GALNT13: variants seen among roughly 807,000 people sequenced by gnomAD.
The protein encoded by GALNT13 is polypeptide N-acetylgalactosaminyltransferase 13.
In GALNT13, 28 loss-of-function variants were observed where a neutral mutation model predicts 64.2. That is an observed-to-expected ratio of 0.44 (90% confidence interval 0.32 to 0.60). The LOEUF (loss-of-function observed/expected upper bound fraction) is 0.60, where lower values mean the gene tolerates loss of function less well. Ranked by LOEUF, GALNT13 falls within the 20% of genes least tolerant of loss-of-function variation. The pLI, the probability that GALNT13 is intolerant of heterozygous loss-of-function variation, is 0.05. For synonymous variants in GALNT13, 214 were observed against 224.6 expected (o/e 0.95, Z 0.42); for missense variants, 577 against 669.8 (o/e 0.86, Z 1.53).
At chr2:153,181,768 C>A in the GALNT13 span, among the ~76,000 whole-genome samples, 3 of 141,754 alleles carry the variant, frequency 2.1e-5, no homozygotes, top group Admixed American at 7.1e-5. Flanking sequence ...GTATATAATA[C>A]AAATATAAAT....
At chr2:153,164,227 A>G in the GALNT13 span, among the ~76,000 whole-genome samples, 37 of 152,178 alleles carry the variant, frequency 2.4e-4, no homozygotes, top group African/African-American at 8.9e-4. Context: ...TTTCTACTCC[A>G]TAGTCCATCT....
At chr2:153,181,840 T>A in the GALNT13 span, among the ~76,000 whole-genome samples, 1 of 145,292 alleles carries the variant, frequency 6.9e-6, no homozygotes, top group African/African-American at 2.5e-5. Context: ...ACATAATTTA[T>A]ATAATTATAT....
At chr2:153,787,774 A>G in the GALNT13 span, among the ~76,000 whole-genome samples, 1 of 152,254 alleles carries the variant, frequency 6.6e-6, no homozygotes, top group African/African-American at 2.4e-5. Context: ...ACCAAAAAAC[A>G]TACTACAAGA....
chr2:153,269,791 G>A, the GALNT13 span, among the ~76,000 whole-genome samples: 2 of 152,092 alleles, frequency 1.3e-5, no homozygotes, highest in Non-Finnish European at 2.9e-5. Flanking sequence ...TGAAGGTGAA[G>A]GAGAAACAAG....
chr2:153,996,663 T>C (rs1695544078), intron 3 of GALNT13, among the ~76,000 whole-genome samples: 1 of 152,078 alleles, frequency 6.6e-6, no homozygotes, highest in Non-Finnish European at 1.5e-5. Flanking sequence ...TTTGCAGAAG[T>C]TTCTTAGTTT....
chr2:153,232,498 T>C, the GALNT13 span, among the ~76,000 whole-genome samples: 6 of 152,336 alleles, frequency 3.9e-5, no homozygotes, highest in South Asian at 1.2e-3. Flanking sequence ...AAAGTCCAGT[T>C]ATAATTTAAG....
At chr2:153,806,743 A>G in the GALNT13 span, among the ~76,000 whole-genome samples, 63 of 152,120 alleles carry the variant, frequency 4.1e-4, no homozygotes, top group Non-Finnish European at 6.5e-4. Flanking sequence ...TAAAATCAGT[A>G]AACTTTAGAC....
upstream of GALNT13, among the ~76,000 whole-genome samples, chr2:153,869,118 A>T (rs754772998): frequency 5.9e-5 from 9 of 152,172 alleles, no homozygotes; most frequent in Non-Finnish European, 1.2e-4. Flanking sequence ...TCTGGACCTT[A>T]CAACCTCTAT....
the GALNT13 span, among the ~76,000 whole-genome samples, chr2:153,217,566 T>C: frequency 6.6e-6 from 1 of 152,168 alleles, no homozygotes; most frequent in Non-Finnish European, 1.5e-5. Flanking sequence ...TGACCTATCT[T>C]TAAGGTCACT....
chr2:153,315,692 C>T, the GALNT13 span, among the ~76,000 whole-genome samples: 1 of 152,260 alleles, frequency 6.6e-6, no homozygotes, highest in East Asian at 1.9e-4. Flanking sequence ...AGGTTGGTAT[C>T]ATTAACATTC....
intron 8 of GALNT13, among the ~76,000 whole-genome samples, chr2:154,268,690 G>A (rs972097622): frequency 2.6e-5 from 4 of 151,976 alleles, no homozygotes; most frequent in Admixed American, 2.6e-4. Flanking sequence ...GAAAAATGTA[G>A]TTCAAAGTAT....
At chr2:154,383,844 G>A (rs1698387350) in intron 9 of GALNT13, among the ~76,000 whole-genome samples, 1 of 151,650 alleles carries the variant, frequency 6.6e-6, no homozygotes, top group Admixed American at 6.6e-5. Context: ...GTAAGTGTAG[G>A]TAGTAATTCT....
chr2:153,301,442 A>G, the GALNT13 span, among the ~76,000 whole-genome samples: 1 of 152,024 alleles, frequency 6.6e-6, no homozygotes, highest in African/African-American at 2.4e-5. Flanking sequence ...AGGTGTATAT[A>G]TGTATTGTGT....
chr2:153,973,148 A>C (rs67944658), intron 3 of GALNT13, among the ~76,000 whole-genome samples: 28,233 of 151,540 alleles, frequency 0.19, 3,365 homozygotes, highest in Non-Finnish European at 0.26. Flanking sequence ...GATATGAGGA[A>C]AGTACATCAA....
chr2:154,005,206 A>G (rs538059126), intron 3 of GALNT13, among the ~76,000 whole-genome samples: 16 of 152,174 alleles, frequency 1.1e-4, no homozygotes, highest in Non-Finnish European at 2.2e-4. Context: ...GGTTGGTGAA[A>G]TTGCTGTTAT....
chr2:153,307,662 A>G, the GALNT13 span, among the ~76,000 whole-genome samples: 2 of 152,138 alleles, frequency 1.3e-5, no homozygotes, highest in East Asian at 3.8e-4. Flanking sequence ...TATAGGATAT[A>G]TGTACACAGA....
chr2:154,084,073 T>C (rs1194720184), intron 3 of GALNT13, among the ~76,000 whole-genome samples: 1 of 151,888 alleles, frequency 6.6e-6, no homozygotes, highest in Non-Finnish European at 1.5e-5. Flanking sequence ...ACTTCTCAAT[T>C]TTTACTGGAG....
chr2:153,808,261 G>A, the GALNT13 span, among the ~76,000 whole-genome samples: 1 of 152,122 alleles, frequency 6.6e-6, no homozygotes, highest in African/African-American at 2.4e-5. Context: ...GCAAACTGAA[G>A]TGTGTAAAAT....
chr2:153,285,282 G>A, the GALNT13 span, among the ~76,000 whole-genome samples: 1 of 152,118 alleles, frequency 6.6e-6, no homozygotes, highest in Non-Finnish European at 1.5e-5. Flanking sequence ...CCCTTGATTT[G>A]TGGGGATAAT....
Sources: allele counts gnomAD v4.1 joint callset (sites outside exome capture counted in the v4.1 genomes callset), GRCh38; gene constraint gnomAD v4.1.1; transcripts MANE v1.5; gene names NCBI Gene and HGNC (gene_info 2026-07-23, HGNC 2026-07-21).